CADPS2: variants seen among roughly 807,000 people sequenced by gnomAD.
The protein encoded by CADPS2 is calcium dependent secretion activator 2.
In CADPS2, 93 loss-of-function variants were observed where a neutral mutation model predicts 172.5. The ratio of observed to expected loss-of-function variants is 0.54; its 90% CI spans 0.46 to 0.64. The LOEUF (loss-of-function observed/expected upper bound fraction) is 0.64. CADPS2 is among the 30% of genes least tolerant of loss of function. The probability of loss-of-function intolerance (pLI) is 0.00; values close to 1 mark genes in which losing one functional copy is unlikely to be tolerated. For missense variants in CADPS2, 1,420 were observed against 1,565.9 expected (o/e 0.91, Z 1.57); for synonymous variants, 546 against 555.2 (o/e 0.98, Z 0.23).
chr7:122,869,742 A>C (rs1034113617), intron 1 of CADPS2, among the ~76,000 whole-genome samples: 10 of 152,118 alleles, frequency 6.6e-5, no homozygotes, highest in African/African-American at 2.2e-4. Context: ...TTAAAAGCCA[A>C]ACTATTAAAA....
intron 1 of CADPS2, among the ~76,000 whole-genome samples, chr7:122,779,907 G>A (rs1792232005): frequency 1.3e-5 from 2 of 152,086 alleles, no homozygotes; most frequent in African/African-American, 4.8e-5. Flanking sequence ...TTCCTTGCCT[G>A]TGTTGAATCA....
chr7:122,778,536 C>A (rs909580038), intron 1 of CADPS2, among the ~76,000 whole-genome samples: 1 of 152,232 alleles, frequency 6.6e-6, no homozygotes, highest in South Asian at 2.1e-4. Context: ...CATCATAGGC[C>A]CAGAGGCCTG....
chr7:122,529,860 G>A (rs1409045202), intron 8 of CADPS2, among the ~76,000 whole-genome samples: 4 of 152,030 alleles, frequency 2.6e-5, no homozygotes, highest in Non-Finnish European at 5.9e-5. Context: ...TAAATAATTG[G>A]AAAGTTAACA....
At chr7:122,739,592 T>A (rs2092365743) in intron 1 of CADPS2, among the ~76,000 whole-genome samples, 1 of 152,186 alleles carries the variant, frequency 6.6e-6, no homozygotes, top group East Asian at 1.9e-4. Context: ...TGGCTAAATG[T>A]CAGGCTTCAA....
Position 122,885,980 on chromosome 7 carries a change from G to A in CADPS2, c.339+19C>T. On this transcript the variant is annotated intron_variant, in intron 1 of 29. Coordinates refer to ENST00000449022, the MANE Select transcript of CADPS2 (RefSeq NM_017954.11). The stretch of plus-strand genomic sequence containing the variant: ...CCAGGGAGAAGTGGTGGTAGGAGGC[G>A]CCCGGTCCCGCAACTCACCTTCTGC... The A allele has an allele frequency of 6.3e-7, 1 of 1,592,458 alleles. No individual in the cohort carries two copies. The highest frequency in any genetic ancestry group is 2.3e-5 in the East Asian group (1 of 43,890).
intron 12 of CADPS2, among the ~76,000 whole-genome samples, chr7:122,477,681 A>C (rs955619925): frequency 3.3e-5 from 5 of 152,240 alleles, no homozygotes; most frequent in Non-Finnish European, 7.3e-5. Flanking sequence ...GTGTGTATGT[A>C]TATTTAAGCT....
At chr7:122,348,798 A>C (rs1022357567) in intron 27 of CADPS2, among the ~76,000 whole-genome samples, 2 of 152,188 alleles carry the variant, frequency 1.3e-5, no homozygotes, top group Non-Finnish European at 2.9e-5. Flanking sequence ...GTAGTTCTTT[A>C]AAACACTTTA....
chr7:122,611,907 C>G (rs772652923), intron 6 of CADPS2, among the ~76,000 whole-genome samples: 1 of 151,892 alleles, frequency 6.6e-6, no homozygotes, highest in Non-Finnish European at 1.5e-5. Context: ...CATTTAACAC[C>G]TGAAAATCAA....
chr7:122,398,139 A>C (rs1207150660), intron 20 of CADPS2, among the ~76,000 whole-genome samples: 4 of 152,162 alleles, frequency 2.6e-5, no homozygotes, highest in Admixed American at 2.6e-4. Context: ...ATTAGTGTTG[A>C]TTATTTTCAT....
At chr7:122,750,306 A>C (rs1357182361) in intron 1 of CADPS2, among the ~76,000 whole-genome samples, 2 of 152,146 alleles carry the variant, frequency 1.3e-5, no homozygotes, top group Admixed American at 6.6e-5. Flanking sequence ...GTGCAGAATA[A>C]ATTTTTAGTA....
At chr7:122,648,323 T>C (rs972070580) in intron 3 of CADPS2, among the ~76,000 whole-genome samples, 1 of 152,140 alleles carries the variant, frequency 6.6e-6, no homozygotes, top group Non-Finnish European at 1.5e-5. Context: ...AATACTAATG[T>C]TATCTAAATG....
intron 29 of CADPS2, among the ~76,000 whole-genome samples, chr7:122,323,873 T>TATA (rs2033167694): frequency 3.6e-5 from 4 of 112,526 alleles, no homozygotes; most frequent in Admixed American, 1.8e-4. Context: ...TATGTATATT[T>TATA]TATATATATA....
intron 22 of CADPS2, 49 bp from the exon 23 acceptor site, chr7:122,388,787 T>C (rs368990088): frequency 6.6e-7 from 1 of 1,520,702 alleles, no homozygotes; most frequent in Non-Finnish European, 8.9e-7. Flanking sequence ...GTTAATTAGG[T>C]ATACCATTAA....
chr7:122,725,542 C>T (rs1288824379), intron 2 of CADPS2, among the ~76,000 whole-genome samples: 2 of 145,326 alleles, frequency 1.4e-5, no homozygotes, highest in Non-Finnish European at 3.0e-5. Flanking sequence ...TCATCCCTCA[C>T]TTCCCTCCCC....
intron 1 of CADPS2, among the ~76,000 whole-genome samples, chr7:122,798,398 T>G (rs1796870450): frequency 6.6e-6 from 1 of 152,168 alleles, no homozygotes; most frequent in African/African-American, 2.4e-5. Flanking sequence ...TCTGAAGTAT[T>G]AACTGAAACA....
chr7:122,321,356 C>T (rs2032461058), intron 29 of CADPS2, among the ~76,000 whole-genome samples: 2 of 152,196 alleles, frequency 1.3e-5, no homozygotes, highest in African/African-American at 4.8e-5. Flanking sequence ...TTTGTAGAGA[C>T]AAGGTCTTGC....
chr7:122,857,249 C>A (rs1263049648), intron 1 of CADPS2, among the ~76,000 whole-genome samples: 1 of 152,148 alleles, frequency 6.6e-6, no homozygotes, highest in African/African-American at 2.4e-5. Flanking sequence ...GGTCATATCA[C>A]ACATTTCTCC....
chr7:122,473,893 T>C (rs2056294534), intron 13 of CADPS2, among the ~76,000 whole-genome samples: 1 of 152,144 alleles, frequency 6.6e-6, no homozygotes, highest in Admixed American at 6.5e-5. Flanking sequence ...AACCAAAACT[T>C]TCCTTTGTTA....
At chr7:122,782,079 T>C (rs2139417788) in intron 1 of CADPS2, among the ~76,000 whole-genome samples, 1 of 152,332 alleles carries the variant, frequency 6.6e-6, no homozygotes, top group South Asian at 2.1e-4. Context: ...TATCATATTA[T>C]TCTAAATAAT....
Sources: allele counts gnomAD v4.1 joint callset (sites outside exome capture counted in the v4.1 genomes callset), GRCh38; gene constraint gnomAD v4.1.1; transcripts MANE v1.5; gene names NCBI Gene and HGNC (gene_info 2026-07-23, HGNC 2026-07-21).